The following RASGRP3 variants were observed in gnomAD, a reference collection of about 807,000 sequenced individuals.
RASGRP3 encodes ras guanyl-releasing protein 3.
A neutral mutation model predicts 82.7 loss-of-function variants in RASGRP3; 54 were observed. That is an observed-to-expected ratio of 0.65 (90% CI 0.52 to 0.82). The LOEUF is 0.82. Ranked by LOEUF, RASGRP3 falls within the 40% of genes least tolerant of loss-of-function variation. The probability of loss-of-function intolerance (pLI) is 0.00; values close to 1 mark genes in which losing one functional copy is unlikely to be tolerated. For missense variants in RASGRP3, 861 were observed against 828.9 expected (o/e 1.04, Z -0.48); for synonymous variants, 309 against 300.5 (o/e 1.03, Z -0.29).
intron 13 of RASGRP3, among the ~76,000 whole-genome samples, chr2:33,548,349 G>A (rs1675018957): frequency 8.1e-6 from 1 of 123,512 alleles, no homozygotes; most frequent in African/African-American, 3.1e-5. Context: ...CTAAAGAGCG[G>A]GACTCCGTCT....
In RASGRP3 at chr2:33,562,966, C is replaced by T; in HGVS notation, c.*229C>T. On this transcript the variant is annotated 3_prime_UTR_variant, in exon 18 of 18. Coordinates refer to ENST00000403687, the MANE Select transcript of RASGRP3 (RefSeq NM_001139488.2). ...TCCTCCCCTACCCCTAGTTAAGTGC[C>T]ACAAAGACTGTGTTATGTAGTCAGT... 1.7e-6 allele frequency: 1 copy of T among 594,910 alleles called. No homozygotes were observed. Among genetic ancestry groups the T allele is most frequent in the South Asian group, 2.1e-5 (1 of 48,028 alleles). The allele number at this position is 594,910 out of a possible 1,614,324, so 36.9% of individuals were successfully genotyped here. A position where few individuals can be genotyped will look rare whatever the true frequency, so the allele number is the denominator to read the frequency against.
intron 10 of RASGRP3, among the ~76,000 whole-genome samples, chr2:33,530,568 C>G (rs1025919060): frequency 5.7e-5 from 8 of 141,308 alleles, no homozygotes; most frequent in African/African-American, 8.0e-5. Context: ...GAGCAAACTT[C>G]TGCATCCCAG....
At chr2:33,494,750 C>T (rs1202751880) in intron 1 of RASGRP3, among the ~76,000 whole-genome samples, 1 of 152,282 alleles carries the variant, frequency 6.6e-6, no homozygotes, top group East Asian at 1.9e-4. Context: ...GCACCCAGTC[C>T]CATGCTCTTT....
intron 1 of RASGRP3, among the ~76,000 whole-genome samples, chr2:33,486,063 A>C (rs1406177377): frequency 6.6e-6 from 1 of 152,220 alleles, no homozygotes; most frequent in African/African-American, 2.4e-5. Flanking sequence ...CAGGATTTCC[A>C]TGTAGGTAAC....
At chr2:33,488,480 A>C (rs1322785153) in intron 1 of RASGRP3, among the ~76,000 whole-genome samples, 1 of 152,240 alleles carries the variant, frequency 6.6e-6, no homozygotes, top group African/African-American at 2.4e-5. Flanking sequence ...CAATGGGACC[A>C]AGTAGCTGGG....
At chr2:33,459,575 A>G (rs1369225506) in intron 2 of RASGRP3, among the ~76,000 whole-genome samples, 2 of 150,382 alleles carry the variant, frequency 1.3e-5, no homozygotes, top group African/African-American at 5.0e-5. Context: ...TAACTATTAT[A>G]ATAGGGAAAA....
intron 13 of RASGRP3, among the ~76,000 whole-genome samples, chr2:33,548,315 T>C (rs1410847867): frequency 3.7e-5 from 5 of 135,104 alleles, no homozygotes; most frequent in African/African-American, 1.1e-4. Flanking sequence ...GAGCCGAGAT[T>C]GTGCCACTGC....
chr2:33,494,407 G>A (rs181509358), intron 1 of RASGRP3, among the ~76,000 whole-genome samples: 24 of 152,244 alleles, frequency 1.6e-4, no homozygotes, highest in African/African-American at 4.1e-4. Context: ...GTAGAGTACC[G>A]GTTCAACTTG....
chr2:33,522,476 G>C (rs975412196), intron 7 of RASGRP3, among the ~76,000 whole-genome samples: 3 of 152,206 alleles, frequency 2.0e-5, no homozygotes, highest in Non-Finnish European at 2.9e-5. Context: ...GTTCGGATTT[G>C]TATAAATGGC....
At chr2:33,506,602 A>G (rs937828074) in intron 1 of RASGRP3, among the ~76,000 whole-genome samples, 1 of 152,244 alleles carries the variant, frequency 6.6e-6, no homozygotes, top group South Asian at 2.1e-4. Context: ...TTCCCCATTA[A>G]CTTAGTGAAA....
At chr2:33,471,341 A>ATTTTTTTTTTTTTTTTT (rs70940204) in intron 2 of RASGRP3, among the ~76,000 whole-genome samples, 1 of 106,790 alleles carries the variant, frequency 9.4e-6, no homozygotes, top group Non-Finnish European at 1.8e-5. Flanking sequence ...ACACTGGGCT[A>ATTTTTTTTTTTTTTTTT]TTTTTTTTTT....
chr2:33,466,942 G>T (rs991341471), intron 2 of RASGRP3, among the ~76,000 whole-genome samples: 17 of 152,084 alleles, frequency 1.1e-4, no homozygotes, highest in African/African-American at 3.1e-4. Context: ...CTCGTTGTGG[G>T]CAGGCTAGTC....
chr2:33,497,199 A>G (rs1669404713), intron 1 of RASGRP3, among the ~76,000 whole-genome samples: 1 of 152,220 alleles, frequency 6.6e-6, no homozygotes, highest in Non-Finnish European at 1.5e-5. Context: ...CAAGTTTTGT[A>G]TGATTAATAG....
chr2:33,523,477 A>G (rs74492158), intron 7 of RASGRP3, among the ~76,000 whole-genome samples: 10 of 141,972 alleles, frequency 7.0e-5, no homozygotes, highest in African/African-American at 2.6e-4. Flanking sequence ...AAAAAAAAAA[A>G]GGAGATTCTT....
At chr2:33,494,700 T>C (rs1669158919) in intron 1 of RASGRP3, among the ~76,000 whole-genome samples, 1 of 152,232 alleles carries the variant, frequency 6.6e-6, no homozygotes, top group Non-Finnish European at 1.5e-5. Flanking sequence ...CATTCTAGTT[T>C]CTCTAAATCT....
At chr2:33,522,216 G>C (rs1672104118) in intron 7 of RASGRP3, 114 bp downstream of exon 7, 2 of 1,213,802 alleles carry the variant, frequency 1.6e-6, no homozygotes, top group South Asian at 3.1e-5. Flanking sequence ...TGCTCTGCTG[G>C]AGAAGTGCCC....
Position 33,462,230 on chromosome 2 carries a change from T to C in RASGRP3, c.-261+14287T>C, listed in dbSNP as rs1002738538. On this transcript the variant is annotated intron_variant, in intron 2 of 18. Transcript: ENST00000402538. ...TCCAGCCAGTGCTAGTGAGCTGCCA[T>C]GTGAACCCAGAACAGCTTAGTGGAC... is the stretch of plus-strand genomic sequence containing the variant. Among the ~76,000 whole-genome samples the C allele has an allele frequency of 1.4e-4, 22 of 152,160 alleles. No individual in the cohort carries two copies. The East Asian group carries it at 2.5e-3, about 17-fold the overall frequency.
intron 2 of RASGRP3, among the ~76,000 whole-genome samples, chr2:33,464,329 A>G (rs1666558587): frequency 6.6e-6 from 1 of 151,278 alleles, no homozygotes; most frequent in Non-Finnish European, 1.5e-5. Flanking sequence ...CATGTTGCCC[A>G]GGCTGGTCTT....
intron 9 of RASGRP3, 150 bp downstream of exon 9, chr2:33,524,698 A>G (rs1672353576): frequency 1.6e-6 from 1 of 608,538 alleles, no homozygotes; most frequent in Non-Finnish European, 2.8e-6. Flanking sequence ...TAGAAAGGGA[A>G]TAACCACACC....
Sources: allele counts gnomAD v4.1 joint callset (sites outside exome capture counted in the v4.1 genomes callset), GRCh38; gene constraint gnomAD v4.1.1; transcripts MANE v1.5; gene names NCBI Gene and HGNC (gene_info 2026-07-23, HGNC 2026-07-21).